CEP112: variants seen among roughly 807,000 people sequenced by gnomAD.
The protein encoded by CEP112 is centrosomal protein of 112 kDa.
Under a neutral mutation model 153.0 loss-of-function variants are expected in CEP112, and 127 were observed. The observed-to-expected ratio is 0.83, with a 90% CI of 0.72 to 0.96. CEP112 has a LOEUF of 0.96. CEP112 is among the 40% of genes least tolerant of loss of function. The probability of loss-of-function intolerance (pLI) is 0.00; values close to 1 mark genes in which losing one functional copy is unlikely to be tolerated. For synonymous variants in CEP112, 358 were observed against 374.4 expected (o/e 0.96, Z 0.51); for missense variants, 1,089 against 1,101.2 (o/e 0.99, Z 0.16).
At chr17:66,035,000 A>ATC (rs1878845785) in intron 12 of CEP112, among the ~76,000 whole-genome samples, 1 of 109,080 alleles carries the variant, frequency 9.2e-6, no homozygotes, top group Non-Finnish European at 1.8e-5. Flanking sequence ...ATACATATAT[A>ATC]TATATATATT....
chr17:66,011,922 A>C (rs2145519984), intron 16 of CEP112, among the ~76,000 whole-genome samples: 1 of 152,244 alleles, frequency 6.6e-6, no homozygotes, highest in East Asian at 1.9e-4. Flanking sequence ...GTGCATATAT[A>C]TTTAGGATAA....
chr17:65,954,650 G>C (rs1207973498), intron 18 of CEP112, among the ~76,000 whole-genome samples: 1 of 151,978 alleles, frequency 6.6e-6, no homozygotes, highest in Non-Finnish European at 1.5e-5. Flanking sequence ...CAGTGAAATA[G>C]ACAGCATATA....
intron 20 of CEP112, among the ~76,000 whole-genome samples, chr17:65,888,191 A>G (rs2059348791): frequency 6.6e-6 from 1 of 152,186 alleles, no homozygotes; most frequent in African/African-American, 2.4e-5. Context: ...ATTTCACAAT[A>G]TGGTACGTAC....
At chr17:65,896,066 A>T (rs1355928206) in intron 20 of CEP112, among the ~76,000 whole-genome samples, 2 of 152,142 alleles carry the variant, frequency 1.3e-5, no homozygotes, top group African/African-American at 4.8e-5. Context: ...AGTTGACACA[A>T]AGTTACTAAT....
At chr17:65,782,456 A>G (rs1291795213) in intron 21 of CEP112, among the ~76,000 whole-genome samples, 2 of 152,220 alleles carry the variant, frequency 1.3e-5, no homozygotes, top group South Asian at 2.1e-4. Context: ...CTAAAAATGG[A>G]ACTACCATTT....
At chr17:66,132,825 A>G (rs1056187609) in intron 4 of CEP112, 62 bp from the exon 5 acceptor site, 39 of 1,042,694 alleles carry the variant, frequency 3.7e-5, no homozygotes, top group Non-Finnish European at 5.3e-5. Flanking sequence ...GAGTATTAGA[A>G]TCTAGGATTA....
rs148253275 is a variant in CEP112, at chr17:66,029,898, C to T, written c.1344G>A (p.Thr448=). The T allele has an allele frequency of 2.7e-5, 44 of 1,613,650 alleles. No homozygotes were observed. Among genetic ancestry groups the T allele is most frequent in the Non-Finnish European group, 3.5e-5 (41 of 1,179,798 alleles). The change falls in exon 13 of 27, where the codon ACG becomes ACA. Residue 448 remains threonine (T), a synonymous_variant. Coordinates refer to ENST00000535342, the MANE Select transcript of CEP112 (RefSeq NM_001199165.4). ...CCTTTACTTCTTGTAATTCACTACA[C>T]GTTATCTGGTAACATCTTTCAAGTT... The part of the protein sequence containing the change: ...KAELERCYQI[T]CSELQEVKAR...
chr17:65,721,500 G>T (rs2049884672), intron 23 of CEP112, among the ~76,000 whole-genome samples: 1 of 152,124 alleles, frequency 6.6e-6, no homozygotes, highest in Non-Finnish European at 1.5e-5. Context: ...CACTGTGCTG[G>T]TATCCTTCCA....
Position 66,096,579 on chromosome 17 carries a change from ACATAC to A in CEP112, c.690+1_690+5del. ...CTAGAAAAAGTCCAATGGATTTCTC[ACATAC>A]CAGAGAAACTGGGATAGGCTTCTGT... On this transcript the variant is annotated splice_donor_variant and splice_donor_5th_base_variant and intron_variant, in intron 7 of 26. Transcript: ENST00000535342. LOFTEE classifies it high-confidence loss of function. 1 of 1,582,526 alleles carries A rather than the reference ACATAC, an allele frequency of 6.3e-7. No individual in the cohort carries two copies. Among genetic ancestry groups the A allele is most frequent in the South Asian group, 1.1e-5 (1 of 87,722 alleles).
chr17:65,746,182 A>G (rs1333668775), intron 22 of CEP112, among the ~76,000 whole-genome samples: 1 of 150,604 alleles, frequency 6.6e-6, no homozygotes, highest in Non-Finnish European at 1.5e-5. Context: ...AAAAAAAAAA[A>G]AAAAAAGAAA....
intron 18 of CEP112, among the ~76,000 whole-genome samples, chr17:65,936,107 C>T (rs202125895): frequency 9.9e-5 from 15 of 152,218 alleles, no homozygotes; most frequent in East Asian, 1.9e-4. Flanking sequence ...GGGAGAATTA[C>T]GAACCACTAT....
intron 20 of CEP112, among the ~76,000 whole-genome samples, chr17:65,863,493 C>G (rs373085201): frequency 6.6e-6 from 1 of 151,976 alleles, no homozygotes; most frequent in Non-Finnish European, 1.5e-5. Flanking sequence ...ATGGGCCGGG[C>G]GCGGTGGCTC....
chr17:65,956,666 T>C (rs1265476503), intron 18 of CEP112, among the ~76,000 whole-genome samples: 3 of 151,970 alleles, frequency 2.0e-5, no homozygotes, highest in African/African-American at 7.3e-5. Flanking sequence ...AGACTATACA[T>C]TGAATACAGT....
At chr17:65,910,741 A>C (rs1015433814) in intron 19 of CEP112, among the ~76,000 whole-genome samples, 2 of 152,196 alleles carry the variant, frequency 1.3e-5, no homozygotes, top group African/African-American at 4.8e-5. Flanking sequence ...GGAAACGTGA[A>C]AAGAAAATCC....
At chr17:65,768,565 A>C (rs1368989919) in intron 21 of CEP112, among the ~76,000 whole-genome samples, 1 of 152,180 alleles carries the variant, frequency 6.6e-6, no homozygotes, top group East Asian at 1.9e-4. Flanking sequence ...CTTCAATAAA[A>C]TATTATCAAA....
chr17:65,700,919 C>T (rs146319741), intron 23 of CEP112, among the ~76,000 whole-genome samples: 3 of 152,172 alleles, frequency 2.0e-5, no homozygotes, highest in Admixed American at 6.5e-5. Context: ...GTAAGCTTCA[C>T]GATCATTTGT....
chr17:66,053,924 T>G, intron 11 of CEP112, 45 bp from the exon 12 acceptor site: 1 of 1,522,222 alleles, frequency 6.6e-7, no homozygotes, highest in Non-Finnish European at 8.9e-7. Flanking sequence ...ACTATGGAAT[T>G]GACTATTTTG....
chr17:66,034,970 T>TTTTGTGTGTGTGTGTGTGTGTGTG (rs1555777524), intron 12 of CEP112, among the ~76,000 whole-genome samples: 11 of 96,748 alleles, frequency 1.1e-4, no homozygotes, highest in Admixed American at 2.9e-4. Flanking sequence ...AGCTAAGTTT[T>TTTTGTGTGTGTGTGTGTGTGTGTG]TGCATGTATA....
intron 18 of CEP112, 122 bp downstream of exon 18, chr17:65,961,341 G>T: frequency 1.1e-6 from 1 of 937,724 alleles, no homozygotes; most frequent in African/African-American, 1.6e-5. Context: ...TGACCCGATT[G>T]TATGGCTAAT....
Sources: gnomAD v4.1 joint callset for allele counts (sites outside exome capture counted in the v4.1 genomes callset) on GRCh38, gnomAD v4.1.1 for gene constraint, MANE v1.5 for transcripts, NCBI Gene and HGNC (gene_info 2026-07-23, HGNC 2026-07-21) for gene names.